Variants in SEL1L2 observed in about 807,000 individuals in gnomAD.
The protein encoded by SEL1L2 is protein sel-1 homolog 2.
A neutral mutation model predicts 98.8 loss-of-function variants in SEL1L2; 89 were observed. The observed-to-expected ratio is 0.90, with a 90% CI of 0.76 to 1.07. The LOEUF is 1.07. SEL1L2 is among the 50% of genes least tolerant of loss of function. The pLI is 0.00. For missense variants in SEL1L2, 788 were observed against 812.0 expected, an observed-to-expected ratio of 0.97 and a Z score of 0.36; for synonymous variants, 262 against 278.5, an observed-to-expected ratio of 0.94 and a Z score of 0.59.
At chr20:13,870,845 C>T (rs957314225) in intron 12 of SEL1L2, among the ~76,000 whole-genome samples, 5 of 151,048 alleles carry the variant, frequency 3.3e-5, no homozygotes, top group African/African-American at 1.2e-4. Flanking sequence ...ATTGCTTGAA[C>T]CCATGGAGTG....
chr20:13,933,570 G>C (rs920948982), intron 2 of SEL1L2, among the ~76,000 whole-genome samples: 1 of 152,046 alleles, frequency 6.6e-6, no homozygotes, highest in Non-Finnish European at 1.5e-5. Flanking sequence ...TGTTTTCAGG[G>C]TTAATCCATG....
At chr20:13,937,818 G>T (rs1301765667) in intron 2 of SEL1L2, among the ~76,000 whole-genome samples, 2 of 152,134 alleles carry the variant, frequency 1.3e-5, no homozygotes, top group African/African-American at 2.4e-5. Context: ...TTTATTTTGG[G>T]GAAACCTCTT....
intron 5 of SEL1L2, among the ~76,000 whole-genome samples, chr20:13,897,216 A>G (rs892143330): frequency 6.6e-6 from 1 of 152,224 alleles, no homozygotes; most frequent in Non-Finnish European, 1.5e-5. Context: ...ATGCAAAAGA[A>G]TGTAGTTGGA....
chr20:13,873,136 A>G (rs978766502), intron 12 of SEL1L2, among the ~76,000 whole-genome samples: 1 of 150,928 alleles, frequency 6.6e-6, no homozygotes, highest in Non-Finnish European at 1.5e-5. Context: ...GATTACAGGC[A>G]TGCACCCCCA....
chr20:13,874,590 T>A (rs1023260246), intron 12 of SEL1L2, among the ~76,000 whole-genome samples: 3 of 152,210 alleles, frequency 2.0e-5, no homozygotes, highest in Non-Finnish European at 4.4e-5. Context: ...AGATTTTCCA[T>A]GTTACTCCTT....
chr20:13,888,634 T>TA, intron 5 of SEL1L2, 122 bp from the exon 6 acceptor site: 9 of 330,198 alleles, frequency 2.7e-5, no homozygotes, highest in East Asian at 7.6e-5. Context: ...TCTTTCTTTC[T>TA]CTTTTTTTTT....
chr20:13,938,183 C>A (rs12625442), intron 2 of SEL1L2, among the ~76,000 whole-genome samples: 2 of 150,970 alleles, frequency 1.3e-5, no homozygotes, highest in Non-Finnish European at 2.9e-5. Flanking sequence ...TGGGTTCAAG[C>A]GATTCTCTTG....
chr20:13,927,972 T>A (rs577810044), intron 3 of SEL1L2: 1 of 152,364 alleles, frequency 6.6e-6, no homozygotes, highest in Non-Finnish European at 1.5e-5. Flanking sequence ...GGATATTTAC[T>A]CTTACAAAAC....
chr20:13,943,801 A>G (rs2049888641), intron 2 of SEL1L2, among the ~76,000 whole-genome samples: 1 of 152,170 alleles, frequency 6.6e-6, no homozygotes, highest in African/African-American at 2.4e-5. Flanking sequence ...GAGTTAGAAA[A>G]TGAGGGATGT....
At chr20:13,936,903 A>C (rs2049480772) in intron 2 of SEL1L2, among the ~76,000 whole-genome samples, 1 of 152,174 alleles carries the variant, frequency 6.6e-6, no homozygotes, top group South Asian at 2.1e-4. Flanking sequence ...AGTTCTCAGG[A>C]AGAGCAGGAT....
intron 1 of SEL1L2, among the ~76,000 whole-genome samples, chr20:13,981,868 A>C (rs890461228): frequency 6.6e-6 from 1 of 152,206 alleles, no homozygotes; most frequent in Non-Finnish European, 1.5e-5. Flanking sequence ...GTAATTTAGA[A>C]ATTCTCAATT....
intron 5 of SEL1L2, among the ~76,000 whole-genome samples, chr20:13,909,247 G>C (rs959861): frequency 0.04 from 6,033 of 152,272 alleles, 372 homozygotes; most frequent in African/African-American, 0.13. Flanking sequence ...GGCCCAAGAA[G>C]AAAGGTGGTC....
intron 14 of SEL1L2, among the ~76,000 whole-genome samples, chr20:13,868,000 T>A (rs1271254300): frequency 6.6e-6 from 1 of 152,128 alleles, no homozygotes; most frequent in African/African-American, 2.4e-5. Context: ...TTGGTGGGGA[T>A]ACTCAGGTAT....
At chr20:13,956,393 G>A (rs1404656889) in intron 1 of SEL1L2, among the ~76,000 whole-genome samples, 1 of 152,050 alleles carries the variant, frequency 6.6e-6, no homozygotes, top group Admixed American at 6.5e-5. Flanking sequence ...TAACATGAAA[G>A]AGTTCTATAA....
chr20:13,985,526 GT>G (rs1262640706), intron 1 of SEL1L2, among the ~76,000 whole-genome samples: 1 of 152,042 alleles, frequency 6.6e-6, no homozygotes. Context: ...ACAGTACCCT[GT>G]AAATGCTTCT....
intron 1 of SEL1L2, chr20:13,973,375 T>G (rs2051372753): frequency 6.6e-6 from 1 of 152,246 alleles, no homozygotes; most frequent in Non-Finnish European, 1.5e-5. Context: ...CATGCCAATA[T>G]TCTCTGAATT....
intron 2 of SEL1L2, among the ~76,000 whole-genome samples, chr20:13,944,877 A>AAATAT (rs1410835013): frequency 6.6e-6 from 1 of 152,336 alleles, no homozygotes; most frequent in East Asian, 1.9e-4. Context: ...AGAAGGGAGA[A>AAATAT]GATATGAAAC....
intron 19 of SEL1L2, 100 bp downstream of exon 19, chr20:13,850,091 C>T: frequency 7.3e-7 from 1 of 1,378,758 alleles, no homozygotes; most frequent in South Asian, 1.3e-5. Context: ...AAAGGAAAGC[C>T]AGTCCACAAG....
chr20:13,952,355 C>A (rs191771201), intron 2 of SEL1L2, among the ~76,000 whole-genome samples: 8 of 152,310 alleles, frequency 5.3e-5, no homozygotes, highest in Admixed American at 5.2e-4. Flanking sequence ...TAAAGCCAAG[C>A]CTCCCATTTC....
Sources: allele counts gnomAD v4.1 joint callset (sites outside exome capture counted in the v4.1 genomes callset), GRCh38; gene constraint gnomAD v4.1.1; transcripts MANE v1.5; gene names NCBI Gene and HGNC (gene_info 2026-07-23, HGNC 2026-07-21).